ARVCF: variants seen among roughly 807,000 people sequenced by gnomAD.
ARVCF encodes the protein ARVCF delta catenin family member.
ARVCF carries 66 observed loss-of-function variants against 90.9 expected under a neutral mutation model. The ratio of observed to expected loss-of-function variants is 0.73; its 90% CI spans 0.60 to 0.89. The LOEUF is 0.89. ARVCF is among the 40% of genes least tolerant of loss of function. The probability of loss-of-function intolerance (pLI) is 0.00; values close to 1 mark genes in which losing one functional copy is unlikely to be tolerated. For synonymous variants in ARVCF, 653 were observed against 603.4 expected, an observed-to-expected ratio of 1.08 and a Z score of -1.21; for missense variants, 1,469 against 1,382.3, an observed-to-expected ratio of 1.06 and a Z score of -1.00.
At position 19,981,672 on chromosome 22, in the gene ARVCF, T is replaced by G. The variant is rs1943511469; in HGVS notation, c.435A>C (p.Gly145=). Residue 145 remains glycine, a synonymous_variant, in exon 5 of 20, where the codon GGA becomes GGC. Transcript: ENST00000263207. The stretch of plus-strand genomic sequence containing the variant: ...GGGGGCCGCCATCCAGCAGGGGGAG[T>G]CCATCTGGGCCCACGGGCACCTGGC... ...TVRQVPVGPD[G]LPLLDGGPPL... 2 of 1,605,564 alleles carry G rather than the reference T, an allele frequency of 1.2e-6. No homozygotes were observed. Among genetic ancestry groups the G allele is most frequent in the Admixed American group, 1.7e-5 (1 of 59,210 alleles).
chr22:19,995,482 C>G (rs918037124), intron 2 of ARVCF, among the ~76,000 whole-genome samples: 4 of 152,092 alleles, frequency 2.6e-5, no homozygotes, highest in African/African-American at 9.7e-5. Context: ...CTGGGGCAAA[C>G]CATGGTCAGC....
downstream of ARVCF, chr22:19,967,470 T>A (rs1942477985): frequency 2.2e-6 from 1 of 450,196 alleles, no homozygotes; most frequent in South Asian, 1.6e-5. Context: ...CTTGGGGCTG[T>A]CCCCTGACCT....
intron 5 of ARVCF, 180 bp downstream of exon 5, chr22:19,981,031 C>A: frequency 1.3e-6 from 1 of 799,528 alleles, no homozygotes. Context: ...AGTGCCCAGC[C>A]GAACTCCTAC....
intron 16 of ARVCF, 125 bp downstream of exon 16, chr22:19,972,612 G>A (rs958839856): frequency 5.0e-6 from 6 of 1,204,652 alleles, no homozygotes; most frequent in African/African-American, 1.5e-5. Flanking sequence ...CAGAGGGCAG[G>A]GAAAGTGGCC....
chr22:19,978,417 A>G lies in ARVCF; in HGVS notation c.1581-342T>C, dbSNP rs540280625. On this transcript the variant is annotated intron_variant, in intron 7 of 19. Transcript: ENST00000263207. ...CAATTCTGGGTCCCTCGCCACCCCAATGGCAGCTCTGGGCCCCACCTTACC... is the reference window on the plus strand; with the variant it reads ...CAATTCTGGGTCCCTCGCCACCCCAGTGGCAGCTCTGGGCCCCACCTTACC... Among the ~76,000 whole-genome samples, 6 of 152,190 alleles carry G rather than the reference A, an allele frequency of 3.9e-5. No individual in the cohort carries two copies. In the East Asian group the frequency reaches 5.8e-4, roughly 15 times the overall value.
chr22:19,981,955 G>A lies in ARVCF; in HGVS notation c.347C>T (p.Thr116Ile). The A allele has an allele frequency of 6.2e-7, 1 of 1,605,198 alleles. No homozygotes were observed. Among genetic ancestry groups the A allele is most frequent in the Non-Finnish European group, 8.5e-7 (1 of 1,176,292 alleles). The change falls in exon 4 of 20, where the codon ACA becomes ATA. Residue 116 changes from threonine to isoleucine, a missense_variant. Coordinates refer to ENST00000263207, the MANE Select transcript of ARVCF (RefSeq NM_001670.3). ...TACCTTGGTCTCGGTGCGCCGGGTTGTGCCATCTTCGGATGTGACAATAGA... is the reference window on the plus strand; with the variant it reads ...TACCTTGGTCTCGGTGCGCCGGGTTATGCCATCTTCGGATGTGACAATAGA... ...HVSIVTSEDG[T>I]TRRTETKVTK...
Position 19,972,353 on chromosome 22 carries a change from C to T in ARVCF, c.2695+5G>A. 1 of 1,613,726 alleles carries T rather than the reference C, an allele frequency of 6.2e-7. No individual in the cohort carries two copies. Among genetic ancestry groups the T allele is most frequent in the Non-Finnish European group, 8.5e-7 (1 of 1,179,972 alleles). On this transcript the variant is annotated splice_donor_5th_base_variant and intron_variant, in intron 17 of 19. Coordinates refer to ENST00000263207, the MANE Select transcript of ARVCF (RefSeq NM_001670.3). ...GAAAACCAACCACACTGCATCTGCA[C>T]TCACCTGGGCCCAGCGCATCCATGG...
chr22:20,011,678 T>C (rs1056085036), intron 1 of ARVCF, among the ~76,000 whole-genome samples: 8 of 152,136 alleles, frequency 5.3e-5, no homozygotes, highest in African/African-American at 1.9e-4. Context: ...GCACCTGAGA[T>C]GGGCAGGCCC....
intron 19 of ARVCF, 150 bp downstream of exon 19, chr22:19,971,066 G>A (rs555697504): frequency 8.9e-6 from 12 of 1,344,946 alleles, no homozygotes; most frequent in Middle Eastern, 1.8e-4. Context: ...TGGTCTTTCC[G>A]GGAATGGGCC....
downstream of ARVCF, chr22:19,968,912 T>C (rs1486485244): frequency 1.6e-6 from 1 of 618,858 alleles, no homozygotes; most frequent in Non-Finnish European, 2.9e-6. Flanking sequence ...GGATTGTTCT[T>C]TTTTAAGACT....
At chr22:19,967,503 T>C (rs982486154), downstream of ARVCF, 2 of 407,410 alleles carry the variant, frequency 4.9e-6, no homozygotes, top group Non-Finnish European at 9.8e-6. Flanking sequence ...AGCCGTGTGG[T>C]GTCCATACTG....
chr22:19,967,379 G>A (rs1569136937), downstream of ARVCF: 5 of 485,684 alleles, frequency 1.0e-5, no homozygotes, highest in Admixed American at 2.4e-5. Flanking sequence ...CTTTTCAGCT[G>A]ACATTGCTAG....
chr22:19,998,539 C>A (rs1944335726), intron 2 of ARVCF, among the ~76,000 whole-genome samples: 1 of 152,168 alleles, frequency 6.6e-6, no homozygotes. Flanking sequence ...GATGGATGAG[C>A]CGGACAGCCC....
chr22:19,982,128 G>A lies in ARVCF; in HGVS notation c.211-37C>T, dbSNP rs1202933195. The A allele has an allele frequency of 3.1e-6, 5 of 1,602,600 alleles. No individual in the cohort carries two copies. In the Admixed American group the frequency reaches 8.4e-5, roughly 27 times the overall value. ...AGGGACATTGGTGGGCAGGCCTGCT[G>A]CTCAGTCACCCCTGGAGTGCAGGTC... On this transcript the variant is annotated intron_variant, in intron 3 of 19. Transcript: ENST00000263207.
chr22:20,002,820 G>A (rs758037973), intron 2 of ARVCF, among the ~76,000 whole-genome samples: 1 of 152,164 alleles, frequency 6.6e-6, no homozygotes, highest in Non-Finnish European at 1.5e-5. Flanking sequence ...TTTTCAGCAA[G>A]GGCCTGCGAT....
At chr22:19,995,658 TC>T (rs1415716963) in intron 2 of ARVCF, among the ~76,000 whole-genome samples, 2 of 151,932 alleles carry the variant, frequency 1.3e-5, no homozygotes, top group African/African-American at 4.8e-5. Flanking sequence ...GGGGCCCGAG[TC>T]CAGTGTGGGT....
In ARVCF at chr22:20,014,684, G is replaced by A. The variant is rs142461772; in HGVS notation, c.-73+1905C>T. Among the ~76,000 whole-genome samples, 360 of 152,298 alleles carry A rather than the reference G, an allele frequency of 2.4e-3. 4 individuals carry two copies. The highest frequency in any genetic ancestry group is 8.3e-3 in the African/African-American group (346 of 41,584). Reference sequence around the variant, plus strand: ...TGACTCCCTATCCCAGCTCTACCCTGTCACTCCCTCTGCCAGGGCCAGGCG... The same window carrying A: ...TGACTCCCTATCCCAGCTCTACCCTATCACTCCCTCTGCCAGGGCCAGGCG... On this transcript the variant is annotated intron_variant, in intron 1 of 19. Coordinates refer to ENST00000263207, the MANE Select transcript of ARVCF (RefSeq NM_001670.3).
At position 20,015,358 on chromosome 22, in the gene ARVCF, G is replaced by A. The variant is rs1212144980; in HGVS notation, c.-73+1231C>T. ...CTGGGGGAAATGCCTTCCCAGACACGCTGCGGCTCACACTGTCGCCTGATC... is the reference window on the plus strand; with the variant it reads ...CTGGGGGAAATGCCTTCCCAGACACACTGCGGCTCACACTGTCGCCTGATC... On this transcript the variant is annotated intron_variant, in intron 1 of 19. Coordinates refer to ENST00000263207, the MANE Select transcript of ARVCF (RefSeq NM_001670.3). 2.0e-5 allele frequency among the ~76,000 whole-genome samples: 3 copies of A among 152,180 alleles called. 1 individual carries two copies. Among genetic ancestry groups the A allele is most frequent in the Non-Finnish European group, 4.4e-5 (3 of 68,028 alleles).
intron 2 of ARVCF, among the ~76,000 whole-genome samples, chr22:19,996,592 C>T (rs899762849): frequency 2.1e-4 from 32 of 152,200 alleles, no homozygotes; most frequent in Non-Finnish European, 7.3e-5. Context: ...TAACATACAA[C>T]AACAAAGTGG....
Sources: gnomAD v4.1 joint callset for allele counts (sites outside exome capture counted in the v4.1 genomes callset) on GRCh38, gnomAD v4.1.1 for gene constraint, MANE v1.5 for transcripts, NCBI Gene and HGNC (gene_info 2026-07-23, HGNC 2026-07-21) for gene names.